The following PTPRT variants were observed in gnomAD, a reference collection of about 807,000 sequenced individuals.
The protein encoded by PTPRT is receptor-type tyrosine-protein phosphatase T.
In PTPRT, 56 loss-of-function variants were observed where a neutral mutation model predicts 176.8. The ratio of observed to expected loss-of-function variants is 0.32; its 90% confidence interval spans 0.26 to 0.40. The LOEUF (loss-of-function observed/expected upper bound fraction) is 0.40. PTPRT is among the 10% of genes least tolerant of loss of function. The pLI is 1.00. For synonymous variants in PTPRT, 783 were observed against 739.0 expected, an observed-to-expected ratio of 1.06 and a Z score of -0.96; for missense variants, 1,540 against 1,908.2, an observed-to-expected ratio of 0.81 and a Z score of 3.60.
intron 7 of PTPRT, among the ~76,000 whole-genome samples, chr20:42,509,479 T>C (rs1328236284): frequency 1.5e-5 from 2 of 132,654 alleles, no homozygotes; most frequent in East Asian, 4.4e-4. Context: ...ATATAATTTA[T>C]ATTTAATTTA....
intron 2 of PTPRT, among the ~76,000 whole-genome samples, chr20:42,847,503 A>G (rs536562310): frequency 6.6e-6 from 1 of 152,180 alleles, no homozygotes; most frequent in African/African-American, 2.4e-5. Context: ...CGTGAACACC[A>G]CTAGCACAGC....
chr20:43,019,805 T>A (rs1985569096), intron 1 of PTPRT, among the ~76,000 whole-genome samples: 1 of 151,490 alleles, frequency 6.6e-6, no homozygotes, highest in Non-Finnish European at 1.5e-5. Flanking sequence ...CGTCTCTGGG[T>A]CTCCCAGAGC....
rs766272001 is a variant in PTPRT at position 42,262,781 on chromosome 20, C to G, written c.2177-13959G>C. Among the ~76,000 whole-genome samples, 78 of 151,742 alleles carry G rather than the reference C, an allele frequency of 5.1e-4. 1 individual carries two copies. The highest frequency in any genetic ancestry group is 1.0e-3 in the Non-Finnish European group (70 of 67,976). ...AGGGAAAGAGTTGATAGAAACCAAA[C>G]AGCTCCAACAAAACATGCTTATACC... On this transcript the variant is annotated intron_variant, in intron 13 of 30. Coordinates refer to ENST00000373187, the MANE Select transcript of PTPRT (RefSeq NM_007050.6).
At chr20:42,421,281 T>C (rs1186506285) in intron 9 of PTPRT, among the ~76,000 whole-genome samples, 1 of 43,798 alleles carries the variant, frequency 2.3e-5, no homozygotes, top group Non-Finnish European at 5.0e-5. Context: ...CACACACGCA[T>C]GCACACACAC....
chr20:43,143,486 C>T (rs1049109928), intron 1 of PTPRT, among the ~76,000 whole-genome samples: 7 of 152,206 alleles, frequency 4.6e-5, no homozygotes, highest in Admixed American at 3.3e-4. Flanking sequence ...AGCATGACAG[C>T]ACCTAGGTAA....
chr20:42,391,458 C>T (rs115318253), intron 9 of PTPRT, among the ~76,000 whole-genome samples: 3,269 of 152,172 alleles, frequency 0.021, 129 homozygotes, highest in African/African-American at 0.075. Context: ...AATGTCCTGG[C>T]GGCCAAACTT....
intron 13 of PTPRT, among the ~76,000 whole-genome samples, chr20:42,251,334 T>A (rs1234397756): frequency 6.6e-6 from 1 of 152,144 alleles, no homozygotes; most frequent in African/African-American, 2.4e-5. Flanking sequence ...GACTCATACT[T>A]CATTCCTTCA....
chr20:42,127,120 C>T (rs1304686309), intron 19 of PTPRT, among the ~76,000 whole-genome samples: 3 of 152,148 alleles, frequency 2.0e-5, no homozygotes, highest in African/African-American at 7.2e-5. Context: ...GTGGGGCAAC[C>T]CAGAGATCAG....
intron 14 of PTPRT, among the ~76,000 whole-genome samples, chr20:42,244,269 C>T (rs1350622822): frequency 1.3e-5 from 2 of 152,124 alleles, no homozygotes; most frequent in Non-Finnish European, 2.9e-5. Flanking sequence ...AGGTACAAGT[C>T]ACAGAGAATT....
intron 2 of PTPRT, among the ~76,000 whole-genome samples, chr20:42,794,906 A>T (rs1382150547): frequency 6.6e-6 from 1 of 151,998 alleles, no homozygotes; most frequent in African/African-American, 2.4e-5. Context: ...CCCCTTCCAC[A>T]TGTAGCCCAC....
chr20:42,377,208 G>C (rs371757405), intron 9 of PTPRT, among the ~76,000 whole-genome samples: 7 of 152,244 alleles, frequency 4.6e-5, no homozygotes, highest in South Asian at 4.1e-4. Flanking sequence ...GCACTGGGTG[G>C]AGTTGCCCAC....
chr20:42,859,361 C>T (rs900986939), intron 2 of PTPRT, among the ~76,000 whole-genome samples: 2 of 152,162 alleles, frequency 1.3e-5, no homozygotes, highest in African/African-American at 2.4e-5. Flanking sequence ...TTTATCTGCT[C>T]AGAAACTTTT....
Position 42,075,771 on chromosome 20 carries a change from A to G in PTPRT, c.*5108T>C, listed in dbSNP as rs1046815146. ...CGAGGAAATGTAGATCCTGGTGAGG[A>G]CTTACAGCAAGAGCTAGTGTGGCAA... is the stretch of plus-strand genomic sequence containing the variant. On this transcript the variant is annotated 3_prime_UTR_variant, in exon 31 of 31. Transcript: ENST00000373187. 3 of 203,100 alleles carry G rather than the reference A, an allele frequency of 1.5e-5. No individual in the cohort carries two copies. Among genetic ancestry groups the G allele is most frequent in the Non-Finnish European group, 3.0e-5 (3 of 99,066 alleles). The allele number at this position is 203,100 out of a possible 1,614,324, so 12.6% of individuals were successfully genotyped here.
At chr20:42,630,521 A>G (rs762008985) in intron 7 of PTPRT, among the ~76,000 whole-genome samples, 2 of 152,164 alleles carry the variant, frequency 1.3e-5, no homozygotes, top group Non-Finnish European at 2.9e-5. Flanking sequence ...CAGGTCCCCA[A>G]CAAAGAGCTG....
intron 12 of PTPRT, among the ~76,000 whole-genome samples, chr20:42,291,468 A>C (rs1568744434): frequency 6.6e-6 from 1 of 152,190 alleles, no homozygotes; most frequent in Non-Finnish European, 1.5e-5. Context: ...TTGTCAATCT[A>C]TATTTAAGTT....
intron 19 of PTPRT, among the ~76,000 whole-genome samples, chr20:42,122,240 A>T (rs1987629187): frequency 1.3e-5 from 2 of 152,222 alleles, no homozygotes; most frequent in Non-Finnish European, 2.9e-5. Context: ...GAGTTGATAT[A>T]TAACAGTTAC....
At chr20:43,106,666 G>GAAAAAAAAAAAAAAAAAAAAAA (rs71193676) in intron 1 of PTPRT, among the ~76,000 whole-genome samples, 1 of 87,002 alleles carries the variant, frequency 1.1e-5, no homozygotes, top group African/African-American at 4.7e-5. Context: ...CTCAAAAAAA[G>GAAAAAAAAAAAAAAAAAAAAAA]AAAAAAAAAA....
chr20:42,212,306 A>AAAAAAAAAGAC (rs2055657674), intron 15 of PTPRT, among the ~76,000 whole-genome samples: 4 of 116,392 alleles, frequency 3.4e-5, no homozygotes, highest in African/African-American at 1.2e-4. Context: ...AAGTATAAAA[A>AAAAAAAAAGAC]AAAAAAAAAG....
downstream of PTPRT, among the ~76,000 whole-genome samples, chr20:42,070,871 A>AT (rs932878129): frequency 8.6e-5 from 13 of 151,730 alleles, no homozygotes; most frequent in African/African-American, 2.4e-4. Context: ...GCCCCCAAAT[A>AT]TTTTTTTTTA....
Sources: allele counts gnomAD v4.1 joint callset (sites outside exome capture counted in the v4.1 genomes callset), GRCh38; gene constraint gnomAD v4.1.1; transcripts MANE v1.5; gene names NCBI Gene and HGNC (gene_info 2026-07-23, HGNC 2026-07-21).